Variants in R3HDM1 observed in about 807,000 individuals in gnomAD.
The protein encoded by R3HDM1 is R3H domain containing 1.
A neutral mutation model predicts 141.1 loss-of-function variants in R3HDM1; 46 were observed. The ratio of observed to expected loss-of-function variants is 0.33; its 90% CI spans 0.26 to 0.42. R3HDM1 has a LOEUF of 0.42. Among genes scored for constraint, R3HDM1 ranks in the 10% least tolerant of loss-of-function variants. The probability of loss-of-function intolerance (pLI) is 1.00; values close to 1 mark genes in which losing one functional copy is unlikely to be tolerated. For synonymous variants in R3HDM1, 435 were observed against 472.9 expected, an observed-to-expected ratio of 0.92 and a Z score of 1.04; for missense variants, 1,184 against 1,368.3, an observed-to-expected ratio of 0.87 and a Z score of 2.12.
intron 21 of R3HDM1, among the ~76,000 whole-genome samples, chr2:135,687,686 A>T (rs1334695313): frequency 1.3e-5 from 2 of 152,180 alleles, no homozygotes; most frequent in Admixed American, 1.3e-4. Flanking sequence ...TTTTAGTGTG[A>T]CTTTTTTCCT....
intron 21 of R3HDM1, among the ~76,000 whole-genome samples, chr2:135,682,417 C>T (rs2070476292): frequency 6.6e-6 from 1 of 152,128 alleles, no homozygotes; most frequent in Admixed American, 6.5e-5. Flanking sequence ...GTGTGCTTGA[C>T]TTGTGAGAGA....
chr2:135,572,281 T>C (rs1704301382), intron 1 of R3HDM1, among the ~76,000 whole-genome samples: 1 of 152,164 alleles, frequency 6.6e-6, no homozygotes, highest in African/African-American at 2.4e-5. Context: ...TAAAAAATGA[T>C]AAAGGACGTG....
chr2:135,605,050 A>G, intron 3 of R3HDM1, 34 bp downstream of exon 3: 1 of 1,447,390 alleles, frequency 6.9e-7, no homozygotes, highest in South Asian at 1.2e-5. Context: ...TACAAATACT[A>G]AATATTCAGT....
intron 21 of R3HDM1, among the ~76,000 whole-genome samples, chr2:135,702,488 ATC>A (rs1455346339): frequency 2.0e-5 from 3 of 151,818 alleles, no homozygotes; most frequent in Non-Finnish European, 4.4e-5. Context: ...ATGAAACCCC[ATC>A]TCTACTAAAA....
At chr2:135,541,851 T>TAAAAAAAAAAAAA (rs10558924) in intron 1 of R3HDM1, among the ~76,000 whole-genome samples, 1 of 121,918 alleles carries the variant, frequency 8.2e-6, no homozygotes, top group African/African-American at 2.8e-5. Context: ...TTCAATTTGT[T>TAAAAAAAAAAAAA]AAAAAAAAAA....
chr2:135,594,214 A>G (rs1158957802), intron 1 of R3HDM1, among the ~76,000 whole-genome samples: 1 of 152,238 alleles, frequency 6.6e-6, no homozygotes, highest in East Asian at 1.9e-4. Flanking sequence ...TCACTGCTAC[A>G]TTAAGATATA....
At chr2:135,676,943 G>A (rs1016832288) in intron 20 of R3HDM1, among the ~76,000 whole-genome samples, 55 of 152,148 alleles carry the variant, frequency 3.6e-4, no homozygotes, top group African/African-American at 1.3e-3. Context: ...CTGAACACAT[G>A]TAAACAAATT....
intron 23 of R3HDM1, among the ~76,000 whole-genome samples, chr2:135,711,695 A>G (rs1356594730): frequency 2.0e-5 from 3 of 151,006 alleles, no homozygotes; most frequent in Non-Finnish European, 4.4e-5. Flanking sequence ...ACAGTGGCTC[A>G]TGCCTATAAT....
At chr2:135,719,252 GAGGA>G (rs1339644103) in intron 24 of R3HDM1, among the ~76,000 whole-genome samples, 7 of 152,068 alleles carry the variant, frequency 4.6e-5, no homozygotes, top group African/African-American at 1.7e-4. Flanking sequence ...AATGCCGCAG[GAGGA>G]ACACCTAGCC....
chr2:135,576,673 A>G (rs1266933650), intron 1 of R3HDM1, among the ~76,000 whole-genome samples: 1 of 152,230 alleles, frequency 6.6e-6, no homozygotes, highest in African/African-American at 2.4e-5. Context: ...TTTCAGCAAT[A>G]AAAAGAAAAG....
chr2:135,549,574 A>AAAC (rs1559102909), intron 1 of R3HDM1, among the ~76,000 whole-genome samples: 1 of 151,226 alleles, frequency 6.6e-6, no homozygotes, highest in African/African-American at 2.4e-5. Flanking sequence ...AAAAAAAAAA[A>AAAC]AAAAAAACAA....
At chr2:135,647,198 A>G (rs1430452466) in intron 16 of R3HDM1, among the ~76,000 whole-genome samples, 2 of 152,146 alleles carry the variant, frequency 1.3e-5, no homozygotes, top group African/African-American at 4.8e-5. Flanking sequence ...TCCCAATCCC[A>G]TTTGGTTACA....
intron 1 of R3HDM1, among the ~76,000 whole-genome samples, chr2:135,554,263 A>G (rs1700323126): frequency 1.3e-5 from 2 of 152,180 alleles, no homozygotes. Context: ...ATGTGTAATC[A>G]TATAGTATGT....
chr2:135,682,001 A>T (rs1195189483), intron 21 of R3HDM1, among the ~76,000 whole-genome samples: 2 of 150,948 alleles, frequency 1.3e-5, no homozygotes, highest in African/African-American at 2.4e-5. Flanking sequence ...GTGTGAGTTT[A>T]AATTTTATAA....
chr2:135,666,306 G>T (rs2067484899), intron 19 of R3HDM1, among the ~76,000 whole-genome samples: 1 of 152,178 alleles, frequency 6.6e-6, no homozygotes, highest in Non-Finnish European at 1.5e-5. Flanking sequence ...GTCAAATAGG[G>T]ACTCAAGGCA....
intron 1 of R3HDM1, among the ~76,000 whole-genome samples, chr2:135,531,997 C>T (rs1217022170): frequency 6.6e-6 from 1 of 152,222 alleles, no homozygotes; most frequent in African/African-American, 2.4e-5. Context: ...TTCCGAGTCC[C>T]TGCCATGGCT....
rs1260114922 is a variant in R3HDM1, at chr2:135,667,146, C to G, written c.2152+5753C>G. The stretch of plus-strand genomic sequence containing the variant: ...GATCACCTATATAAAATAAAATCAG[C>G]CTGTTAATGCCTGTTCAATACTTTT... On this transcript the variant is annotated intron_variant, in intron 19 of 26. Coordinates refer to ENST00000683871, the MANE Select transcript of R3HDM1 (RefSeq NM_001378107.1). The G allele has an allele frequency of 6.3e-6, 6 of 959,116 alleles. No homozygotes were observed. In the African/African-American group the frequency reaches 8.8e-5, roughly 14 times the overall value. 59.4% of individuals were successfully genotyped at this position (959,116 alleles called of 1,614,324 possible). A position where few individuals can be genotyped will look rare whatever the true frequency, so the allele number is the denominator to read the frequency against.
At chr2:135,565,661 T>C (rs1234366133) in intron 1 of R3HDM1, 3 of 152,126 alleles carry the variant, frequency 2.0e-5, no homozygotes, top group Non-Finnish European at 4.4e-5. Flanking sequence ...TTGATAGTAA[T>C]TATTAAATCT....
At chr2:135,537,277 C>CT (rs1036767352) in intron 1 of R3HDM1, among the ~76,000 whole-genome samples, 4,212 of 84,438 alleles carry the variant, frequency 0.05, 961 homozygotes, top group African/African-American at 0.15. Context: ...ATTAGTCTGT[C>CT]TTTTTTTTTT....
Sources: gnomAD v4.1 joint callset for allele counts (sites outside exome capture counted in the v4.1 genomes callset) on GRCh38, gnomAD v4.1.1 for gene constraint, MANE v1.5 for transcripts, NCBI Gene and HGNC (gene_info 2026-07-23, HGNC 2026-07-21) for gene names.